The following HDGFL3 variants were observed in gnomAD, a reference collection of about 807,000 sequenced individuals.
HDGFL3 encodes the protein HDGF like 3, also known as hepatoma-derived growth factor-related protein 3.
A neutral mutation model predicts 27.6 loss-of-function variants in HDGFL3; 6 were observed. The ratio of observed to expected loss-of-function variants is 0.22; its 90% confidence interval spans 0.12 to 0.43. HDGFL3 has a LOEUF of 0.43. HDGFL3 is among the 20% of genes least tolerant of loss of function. HDGFL3 has a pLI of 1.00. For missense variants in HDGFL3, 207 were observed against 250.1 expected (o/e 0.83, Z 1.16); for synonymous variants, 88 against 88.9 (o/e 0.99, Z 0.05).
At chr15:83,187,840 T>C (rs1444147048) in intron 1 of HDGFL3, among the ~76,000 whole-genome samples, 2 of 150,574 alleles carry the variant, frequency 1.3e-5, no homozygotes, top group Non-Finnish European at 2.9e-5. Context: ...TGAGCTGAGA[T>C]TGTGCCAGTG....
chr15:83,207,218 GC>G lies in HDGFL3; in HGVS notation c.84+112del. 1 of 713,204 alleles carries G rather than the reference GC, an allele frequency of 1.4e-6. No individual in the cohort carries two copies. Among genetic ancestry groups the G allele is most frequent in the Non-Finnish European group, 2.0e-6 (1 of 506,892 alleles). 44.2% of individuals were successfully genotyped at this position (713,204 alleles called of 1,614,324 possible). A position where few individuals can be genotyped will look rare whatever the true frequency, so the allele number is the denominator to read the frequency against. ...CGCGCCGCCCTCAGCCCTCACCACA[GC>G]CGGCCGCGAGCTGCGGGCTCGGGGC... On this transcript the variant is annotated intron_variant, in intron 1 of 5. Transcript: ENST00000299633. The surrounding 1 kb of genome is among the most constrained non-coding windows in gnomAD (Gnocchi z 4.8).
Position 83,167,681 on chromosome 15 carries a change from A to G in HDGFL3, c.85-3606T>C, listed in dbSNP as rs140164923. Among the ~76,000 whole-genome samples, 5 of 152,358 alleles carry G rather than the reference A, an allele frequency of 3.3e-5. No individual in the cohort carries two copies. The East Asian group carries it at 5.8e-4, about 18-fold the overall frequency. ...ACATTGGAGCACCCAGATTCGTAAA[A>G]TAAGTACTTCCAGACCAATGAAAAG... On this transcript the variant is annotated intron_variant, in intron 1 of 5. Coordinates refer to ENST00000299633, the MANE Select transcript of HDGFL3 (RefSeq NM_016073.4).
intron 1 of HDGFL3, among the ~76,000 whole-genome samples, chr15:83,168,558 G>A (rs945797540): frequency 5.3e-5 from 8 of 151,988 alleles, no homozygotes; most frequent in Non-Finnish European, 8.8e-5. Flanking sequence ...GAAGAAACAC[G>A]TACATTCCTG....
At chr15:83,183,115 G>C (rs2037399920) in intron 1 of HDGFL3, among the ~76,000 whole-genome samples, 2 of 152,160 alleles carry the variant, frequency 1.3e-5, no homozygotes, top group African/African-American at 4.8e-5. Flanking sequence ...ATATTATCTA[G>C]TCAATAAATC....
At chr15:83,159,311 A>T (rs141830426) in intron 2 of HDGFL3, among the ~76,000 whole-genome samples, 558 of 152,380 alleles carry the variant, frequency 3.7e-3, no homozygotes, top group Non-Finnish European at 5.8e-3. Flanking sequence ...CTAATAGATC[A>T]GAGTCTTTAG....
intron 1 of HDGFL3, among the ~76,000 whole-genome samples, chr15:83,197,870 C>T (rs914256391): frequency 1.3e-5 from 2 of 151,268 alleles, no homozygotes; most frequent in African/African-American, 2.4e-5. Flanking sequence ...CCCATCTCTA[C>T]TAAACATCTA....
intron 1 of HDGFL3, among the ~76,000 whole-genome samples, chr15:83,165,794 C>CAAAA (rs57873221): frequency 1.6e-3 from 22 of 13,844 alleles, no homozygotes; most frequent in African/African-American, 2.1e-3. Flanking sequence ...GAATCCATCT[C>CAAAA]AAAAAAAAAA....
chr15:83,152,688 A>G (rs2036977962), intron 4 of HDGFL3, among the ~76,000 whole-genome samples: 1 of 151,552 alleles, frequency 6.6e-6, no homozygotes, highest in African/African-American at 2.4e-5. Flanking sequence ...GTCTCGAAAA[A>G]AAAAAAAAAA....
chr15:83,196,925 T>C (rs1167652349), intron 1 of HDGFL3, among the ~76,000 whole-genome samples: 2 of 152,228 alleles, frequency 1.3e-5, no homozygotes, highest in East Asian at 3.8e-4. Flanking sequence ...GAATAGTAAA[T>C]GTATCTACTA....
At chr15:83,160,320 G>C (rs1681914291) in intron 2 of HDGFL3, among the ~76,000 whole-genome samples, 2 of 151,972 alleles carry the variant, frequency 1.3e-5, no homozygotes. Flanking sequence ...CTGAGGACCT[G>C]GGATTATAGG....
chr15:83,117,414 T>C (rs1437758417), intron 3 of HDGFL3, among the ~76,000 whole-genome samples: 2 of 152,038 alleles, frequency 1.3e-5, no homozygotes, highest in Non-Finnish European at 2.9e-5. Flanking sequence ...GGAGAAGGGC[T>C]TGCCTATGAG....
At chr15:83,116,227 G>C (rs559062341) in intron 3 of HDGFL3, among the ~76,000 whole-genome samples, 1 of 152,172 alleles carries the variant, frequency 6.6e-6, no homozygotes, top group African/African-American at 2.4e-5. Context: ...TATAAATAAG[G>C]TACCTTAAAT....
chr15:83,136,469 T>A lies in HDGFL3; in HGVS notation c.*2801A>T, dbSNP rs745352496. 15 of 1,562,094 alleles carry A rather than the reference T, an allele frequency of 9.6e-6. No homozygotes were observed. The Admixed American group carries it at 1.3e-4, about 13-fold the overall frequency. ...TCATGCTTACTCAATTTTTTTTTTT[T>A]AAATGCAACAGGCTCAGTTTTCTCA... is the stretch of plus-strand genomic sequence containing the variant. On this transcript the variant is annotated 3_prime_UTR_variant, in exon 6 of 6. Coordinates refer to ENST00000299633, the MANE Select transcript of HDGFL3 (RefSeq NM_016073.4).
intron 5 of HDGFL3, among the ~76,000 whole-genome samples, chr15:83,142,897 C>T (rs866334120): frequency 1.3e-5 from 2 of 151,936 alleles, no homozygotes; most frequent in South Asian, 2.1e-4. Context: ...CATAAAAATG[C>T]TATTTAAGTA....
intron 1 of HDGFL3, among the ~76,000 whole-genome samples, chr15:83,194,057 C>T (rs1320614611): frequency 6.6e-6 from 1 of 152,150 alleles, no homozygotes; most frequent in Admixed American, 6.5e-5. Flanking sequence ...ACAAGGAATT[C>T]AACTTCTGGC....
chr15:83,199,815 G>T (rs1165102216), intron 1 of HDGFL3, among the ~76,000 whole-genome samples: 1 of 151,796 alleles, frequency 6.6e-6, no homozygotes. Context: ...GGCCGAGGCG[G>T]GTGGATCACG....
At chr15:83,113,137 G>A in exon 4 of HDGFL3, 1 of 561,552 alleles carries the variant, frequency 1.8e-6, no homozygotes, top group Admixed American at 3.1e-5. Flanking sequence ...GCCAGGCAGG[G>A]CACCCTGCCA....
intron 4 of HDGFL3, among the ~76,000 whole-genome samples, chr15:83,154,708 T>C (rs1222264035): frequency 6.6e-6 from 1 of 152,220 alleles, no homozygotes; most frequent in African/African-American, 2.4e-5. Context: ...TGAAAAACTT[T>C]TTGTTCTCCT....
intron 1 of HDGFL3, among the ~76,000 whole-genome samples, chr15:83,200,553 G>A (rs1268465323): frequency 6.6e-6 from 1 of 152,094 alleles, no homozygotes; most frequent in East Asian, 1.9e-4. Flanking sequence ...TTGTGTTCTT[G>A]GGAGATAATT....
Sources: allele counts gnomAD v4.1 joint callset (sites outside exome capture counted in the v4.1 genomes callset), GRCh38; gene constraint gnomAD v4.1.1; non-coding constraint Gnocchi (gnomAD v3.1); transcripts MANE v1.5; gene names NCBI Gene and HGNC (gene_info 2026-07-23, HGNC 2026-07-21).